IMMP2L: variants seen among roughly 807,000 people sequenced by gnomAD.
IMMP2L encodes mitochondrial inner membrane protease subunit 2.
IMMP2L carries 18 observed loss-of-function variants against 19.3 expected under a neutral mutation model. The ratio of observed to expected loss-of-function variants is 0.93; its 90% CI spans 0.64 to 1.38. IMMP2L has a LOEUF of 1.38. Ranked by LOEUF, IMMP2L falls within the 40% of genes most tolerant of loss-of-function variation. The pLI, the probability that IMMP2L is intolerant of heterozygous loss-of-function variation, is 0.00. For synonymous variants in IMMP2L, 76 were observed against 73.0 expected (o/e 1.04, Z -0.21); for missense variants, 233 against 218.2 (o/e 1.07, Z -0.43).
rs1166620478 is a variant in IMMP2L, at chr7:111,194,123, G to A, written c.240-230558C>T. ...AGCACCTTTACTCAACTTCTGCCTT[G>A]GGGCACAGCCCTCTGGGAACACACA... On this transcript the variant is annotated intron_variant, in intron 3 of 5. Coordinates refer to ENST00000405709, the MANE Select transcript of IMMP2L (RefSeq NM_032549.4). 1.1e-4 allele frequency among the ~76,000 whole-genome samples: 16 copies of A among 152,104 alleles called. No homozygotes were observed. The South Asian group carries it at 3.3e-3, about 32-fold the overall frequency.
intron 3 of IMMP2L, among the ~76,000 whole-genome samples, chr7:111,446,353 G>C (rs1037902063): frequency 1.3e-4 from 19 of 142,166 alleles, no homozygotes; most frequent in African/African-American, 5.9e-5. Context: ...CACACAGCTG[G>C]AGATCTGAGA....
chr7:110,998,797 T>A (rs1047679307), intron 3 of IMMP2L, among the ~76,000 whole-genome samples: 2 of 152,162 alleles, frequency 1.3e-5, no homozygotes, highest in African/African-American at 2.4e-5. Flanking sequence ...GTAATTCCAC[T>A]GTACACAACT....
chr7:110,790,284 C>T (rs1335124778), intron 5 of IMMP2L, among the ~76,000 whole-genome samples: 1 of 151,560 alleles, frequency 6.6e-6, no homozygotes, highest in East Asian at 1.9e-4. Flanking sequence ...ACAGAGGTAG[C>T]CAAAGGTTGG....
chr7:111,341,428 CAT>C (rs1050998259), intron 3 of IMMP2L, among the ~76,000 whole-genome samples: 35 of 151,984 alleles, frequency 2.3e-4, no homozygotes, highest in African/African-American at 7.5e-4. Context: ...TTTAAAAAAA[CAT>C]AGTTACATAC....
At chr7:111,338,469 T>C (rs961412598) in intron 3 of IMMP2L, among the ~76,000 whole-genome samples, 16 of 152,056 alleles carry the variant, frequency 1.1e-4, no homozygotes, top group African/African-American at 3.9e-4. Flanking sequence ...ATAAACTACA[T>C]TGGTAAAAAT....
At chr7:110,752,073 T>A (rs1292733009) in intron 5 of IMMP2L, among the ~76,000 whole-genome samples, 1 of 152,028 alleles carries the variant, frequency 6.6e-6, no homozygotes, top group African/African-American at 2.4e-5. Flanking sequence ...GATACTTACA[T>A]GTTTGTCCAA....
intron 3 of IMMP2L, among the ~76,000 whole-genome samples, chr7:111,406,007 C>A (rs1005012740): frequency 1.3e-5 from 2 of 152,008 alleles, no homozygotes; most frequent in African/African-American, 4.8e-5. Flanking sequence ...CACTAAGGTG[C>A]ATAGCTTTAA....
chr7:110,861,098 TGAGAGAGAGAGAGAGA>T lies in IMMP2L; in HGVS notation c.408+25479_408+25494del, dbSNP rs5886583. On this transcript the variant is annotated intron_variant, in intron 5 of 5. Coordinates refer to ENST00000405709, the MANE Select transcript of IMMP2L (RefSeq NM_032549.4). The stretch of plus-strand genomic sequence containing the variant: ...GTGTGTGTGTGTGTGTGTGTGTGTG[TGAGAGAGAGAGAGAGA>T]GAGAGAGAGAGAGAGACAGAGACAG... Among the ~76,000 whole-genome samples the T allele has an allele frequency of 2.8e-5, 4 of 141,638 alleles. No individual in the cohort carries two copies. In the South Asian group the frequency reaches 6.8e-4, roughly 24 times the overall value. 92.9% of individuals were successfully genotyped at this position (141,638 alleles called of 152,430 possible).
intron 5 of IMMP2L, among the ~76,000 whole-genome samples, chr7:110,820,316 T>C (rs927857545): frequency 1.3e-5 from 2 of 152,102 alleles, no homozygotes; most frequent in Non-Finnish European, 2.9e-5. Flanking sequence ...TATGTGCTAA[T>C]GTTCAATAAC....
At chr7:110,809,315 G>C (rs1801858896) in intron 5 of IMMP2L, among the ~76,000 whole-genome samples, 2 of 151,966 alleles carry the variant, frequency 1.3e-5, no homozygotes, top group African/African-American at 4.8e-5. Flanking sequence ...TAGACATTGG[G>C]ATTGCAGTAG....
At chr7:111,485,767 G>C (rs867588256) in intron 3 of IMMP2L, among the ~76,000 whole-genome samples, 16 of 151,968 alleles carry the variant, frequency 1.1e-4, no homozygotes, top group Middle Eastern at 3.4e-3. Context: ...TATACTCCAT[G>C]ATATGGTAGG....
intron 3 of IMMP2L, among the ~76,000 whole-genome samples, chr7:111,039,893 G>A (rs1035251143): frequency 3.9e-5 from 6 of 152,104 alleles, no homozygotes; most frequent in Admixed American, 6.6e-5. Flanking sequence ...GGACTGGGCA[G>A]GGTGGTTCAC....
intron 5 of IMMP2L, among the ~76,000 whole-genome samples, chr7:110,793,063 C>T (rs981841248): frequency 1.3e-5 from 2 of 152,018 alleles, no homozygotes; most frequent in African/African-American, 4.8e-5. Flanking sequence ...ATGGTGGTTA[C>T]TGGGGTGGGC....
intron 3 of IMMP2L, among the ~76,000 whole-genome samples, chr7:111,336,333 T>C (rs1337349970): frequency 6.6e-6 from 1 of 151,674 alleles, no homozygotes; most frequent in Admixed American, 6.6e-5. Context: ...GGATTACAGG[T>C]GTGAGCCACC....
chr7:110,874,912 AC>A (rs915748288), intron 5 of IMMP2L, among the ~76,000 whole-genome samples: 2 of 152,028 alleles, frequency 1.3e-5, no homozygotes, highest in African/African-American at 4.8e-5. Context: ...AGAGGAGAAT[AC>A]TTTTTCCACA....
At chr7:111,408,902 A>G (rs1834128004) in intron 3 of IMMP2L, among the ~76,000 whole-genome samples, 1 of 151,718 alleles carries the variant, frequency 6.6e-6, no homozygotes, top group South Asian at 2.1e-4. Context: ...CTAAAACCAC[A>G]TTCACCTTCA....
intron 3 of IMMP2L, among the ~76,000 whole-genome samples, chr7:111,035,120 G>A (rs1306160640): frequency 6.6e-6 from 1 of 152,000 alleles, no homozygotes; most frequent in Non-Finnish European, 1.5e-5. Context: ...ATAAAGCCCT[G>A]CTTCAAAACT....
At chr7:111,242,107 A>G (rs566113965) in intron 3 of IMMP2L, among the ~76,000 whole-genome samples, 16 of 152,242 alleles carry the variant, frequency 1.1e-4, no homozygotes, top group African/African-American at 3.6e-4. Flanking sequence ...AATGAAAACA[A>G]TAATTCAGAA....
At position 110,924,195 on chromosome 7, in the gene IMMP2L, C is replaced by A. The variant is rs909528292; in HGVS notation, c.306-37500G>T. ...TTATCAGCATGAAGCCAGGTTTGGG[C>A]CTATAAGAACATAGACAGCACTGTT... On this transcript the variant is annotated intron_variant, in intron 4 of 5. Transcript: ENST00000405709. This position sits in a 1 kb window ranked among gnomAD's most constrained non-coding sequence, Gnocchi z 4.2. Among the ~76,000 whole-genome samples, 1 of 152,158 alleles carries A rather than the reference C, an allele frequency of 6.6e-6. No individual in the cohort carries two copies. Among genetic ancestry groups the A allele is most frequent in the Non-Finnish European group, 1.5e-5 (1 of 68,026 alleles).
Sources: gnomAD v4.1 joint callset for allele counts (sites outside exome capture counted in the v4.1 genomes callset) on GRCh38, gnomAD v4.1.1 for gene constraint, Gnocchi (gnomAD v3.1) non-coding constraint, MANE v1.5 for transcripts, NCBI Gene and HGNC (gene_info 2026-07-23, HGNC 2026-07-21) for gene names.